The following PLA2G4F variants were observed in gnomAD, a reference collection of about 807,000 sequenced individuals.
PLA2G4F encodes the protein cytosolic phospholipase A2 zeta.
A neutral mutation model predicts 103.1 loss-of-function variants in PLA2G4F; 105 were observed. That is an observed-to-expected ratio of 1.02 (90% CI 0.87 to 1.20). The LOEUF is 1.20. PLA2G4F is among the 50% of genes most tolerant of loss of function. PLA2G4F has a pLI of 0.00. For synonymous variants in PLA2G4F, 468 were observed against 441.1 expected, an observed-to-expected ratio of 1.06 and a Z score of -0.76; for missense variants, 1,155 against 1,075.9, an observed-to-expected ratio of 1.07 and a Z score of -1.03.
intron 11 of PLA2G4F, among the ~76,000 whole-genome samples, chr15:42,148,069 G>A (rs1305116184): frequency 6.6e-6 from 1 of 152,018 alleles, no homozygotes; most frequent in Non-Finnish European, 1.5e-5. Context: ...TGTAGTCCCA[G>A]CTATCTGGAG....
At chr15:42,142,344 C>T (rs181081385) in intron 19 of PLA2G4F, 140 bp from the exon 20 acceptor site, 28 of 1,143,104 alleles carry the variant, frequency 2.4e-5, no homozygotes, top group East Asian at 1.3e-4. Flanking sequence ...AGCTCTCAGA[C>T]CCCCCAGGAG....
intron 4 of PLA2G4F, 115 bp from the exon 5 acceptor site, chr15:42,153,775 G>A (rs1359233292): frequency 1.7e-6 from 2 of 1,170,406 alleles, no homozygotes; most frequent in Admixed American, 4.2e-5. Context: ...CTGGCATTGT[G>A]GCTTGTCATG....
In PLA2G4F at chr15:42,147,350, G is replaced by T; in HGVS notation, c.1197-4C>A. 1 of 1,603,444 alleles carries T rather than the reference G, an allele frequency of 6.2e-7. No individual in the cohort carries two copies. Among genetic ancestry groups the T allele is most frequent in the South Asian group, 1.1e-5 (1 of 90,946 alleles). Reference sequence around the variant, plus strand: ...CCTGTAGAGTGTGGAGATGCACCTGGGGATTGGAGGTGTGCCTGAGTCAGG... The same window carrying T: ...CCTGTAGAGTGTGGAGATGCACCTGTGGATTGGAGGTGTGCCTGAGTCAGG... On this transcript the variant is annotated splice_region_variant and splice_polypyrimidine_tract_variant and intron_variant, in intron 12 of 19. Coordinates refer to ENST00000397272, the MANE Select transcript of PLA2G4F (RefSeq NM_213600.4).
chr15:42,144,711 A>G, intron 16 of PLA2G4F, 67 bp from the exon 17 acceptor site: 2 of 1,425,232 alleles, frequency 1.4e-6, no homozygotes, highest in Admixed American at 5.3e-5. Flanking sequence ...TGGTCCTTAT[A>G]GTTCAGGGGT....
intron 6 of PLA2G4F, 93 bp downstream of exon 6, chr15:42,153,207 T>A: frequency 7.2e-7 from 1 of 1,395,106 alleles, no homozygotes; most frequent in Non-Finnish European, 9.8e-7. Context: ...GGCTTGGGTG[T>A]CCTTCAGAGG....
At chr15:42,147,802 A>C (rs201719282) in intron 11 of PLA2G4F, 40 bp from the exon 12 acceptor site, 18 of 1,608,516 alleles carry the variant, frequency 1.1e-5, no homozygotes, top group Non-Finnish European at 1.0e-5. Context: ...TCCGACTACC[A>C]CCGTCATTGA....
intron 2 of PLA2G4F, 91 bp downstream of exon 2, chr15:42,155,426 A>G: frequency 2.2e-6 from 3 of 1,348,684 alleles, no homozygotes; most frequent in Non-Finnish European, 3.2e-6. Flanking sequence ...ATACTCTTAC[A>G]CACACACACT....
intron 5 of PLA2G4F, 82 bp from the exon 6 acceptor site, chr15:42,153,424 G>A (rs919745492): frequency 5.5e-5 from 85 of 1,547,870 alleles, no homozygotes; most frequent in Non-Finnish European, 6.6e-5. Flanking sequence ...CTGAAGCAGC[G>A]GGCAGAGCAT....
Position 42,142,072 on chromosome 15 carries a change from T to A in PLA2G4F, c.2462A>T (p.Tyr821Phe), listed in dbSNP as rs373689525. The A allele has an allele frequency of 1.9e-6, 3 of 1,614,190 alleles. No individual in the cohort carries two copies. Among genetic ancestry groups the A allele is most frequent in the Non-Finnish European group, 2.5e-6 (3 of 1,180,026 alleles). ...DFYRLVALSRYNVLNNVETLK... is the reference protein window; with the variant it reads ...DFYRLVALSRFNVLNNVETLK... ...GGTCTCCACGTTGTTCAGGACGTTG[T>A]ATCGACTGAGGGCCACCAGCCGATA... Residue 821 changes from tyrosine to phenylalanine, a missense_variant, in exon 20 of 20, where the codon TAC becomes TTC. Transcript: ENST00000397272.
In PLA2G4F at chr15:42,150,155, C is replaced by T. The variant is rs201978785; in HGVS notation, c.886-14G>A. ...CACCTCCTGGCCCTGAAAGACACAGCAGCCCCAACCCTGAGTTCTCTGGGC... is the reference window on the plus strand; with the variant it reads ...CACCTCCTGGCCCTGAAAGACACAGTAGCCCCAACCCTGAGTTCTCTGGGC... On this transcript the variant is annotated splice_polypyrimidine_tract_variant and intron_variant, in intron 9 of 19. Transcript: ENST00000397272. 2.2e-5 allele frequency: 35 copies of T among 1,614,172 alleles called. No homozygotes were observed. The East Asian group carries it at 7.6e-4, about 35-fold the overall frequency.
chr15:42,149,310 C>A (rs2048928008), intron 11 of PLA2G4F: 1 of 575,594 alleles, frequency 1.7e-6, no homozygotes, highest in African/African-American at 2.1e-5. Flanking sequence ...GGAGGAGACC[C>A]CAAGGCGCAC....
At chr15:42,142,307 C>T (rs654527) in intron 19 of PLA2G4F, 103 bp from the exon 20 acceptor site, 1 of 1,246,784 alleles carries the variant, frequency 8.0e-7, no homozygotes, top group Non-Finnish European at 1.1e-6. Flanking sequence ...GGCTGGCTCC[C>T]TGCGGGCCCT....
At chr15:42,156,140 G>C (rs909084195) in intron 1 of PLA2G4F, among the ~76,000 whole-genome samples, 1 of 151,962 alleles carries the variant, frequency 6.6e-6, no homozygotes, top group Non-Finnish European at 1.5e-5. Context: ...CTACTGGGAG[G>C]GAAACTCTCC....
chr15:42,142,725 G>A lies in PLA2G4F; in HGVS notation c.2143-11C>T, dbSNP rs2048838270. 3 of 1,613,668 alleles carry A rather than the reference G, an allele frequency of 1.9e-6. No homozygotes were observed. The highest frequency in any genetic ancestry group is 2.5e-6 in the Non-Finnish European group (3 of 1,179,928). On this transcript the variant is annotated splice_polypyrimidine_tract_variant and intron_variant, in intron 18 of 19. Transcript: ENST00000397272. ...TGTCATCTTCAAGACCTGAGCAGGA[G>A]CAAGCCTCTGACTCTGCCTTTCCTC...
In PLA2G4F at chr15:42,147,737, G is replaced by C. The variant is rs1282952706; in HGVS notation, c.1085C>G (p.Ser362Cys). Reference protein sequence around the residue: ...GQVPVVAVLGSGGGTRAMSSL... With the variant: ...GQVPVVAVLGCGGGTRAMSSL... ...AGACATGGCTCGGGTTCCACCCCCGGAACCCAACACAGCCACTACAGGCAC... is the reference window on the plus strand; with the variant it reads ...AGACATGGCTCGGGTTCCACCCCCGCAACCCAACACAGCCACTACAGGCAC... Residue 362 changes from serine to cysteine, a missense_variant, in exon 12 of 20, where the codon TCC becomes TGC. Transcript: ENST00000397272. 2 of 1,609,560 alleles carry C rather than the reference G, an allele frequency of 1.2e-6. No homozygotes were observed. The highest frequency in any genetic ancestry group is 2.2e-5 in the East Asian group (1 of 44,584).
chr15:42,141,109 C>G lies in PLA2G4F; in HGVS notation c.*875G>C, dbSNP rs1175608967. On this transcript the variant is annotated 3_prime_UTR_variant, in exon 20 of 20. Coordinates refer to ENST00000397272, the MANE Select transcript of PLA2G4F (RefSeq NM_213600.4). ...TGCACTGCCCATGCCTTGGAGTAAC[C>G]CACCTCCAGGAACTTGCACACCCTC... The G allele has an allele frequency of 2.5e-6, 1 of 401,372 alleles. No homozygotes were observed. Among genetic ancestry groups the G allele is most frequent in the Non-Finnish European group, 5.1e-6 (1 of 195,852 alleles). 24.9% of individuals were successfully genotyped at this position (401,372 alleles called of 1,614,324 possible). A position where few individuals can be genotyped will look rare whatever the true frequency, so the allele number is the denominator to read the frequency against.
chr15:42,147,609 G>A lies in PLA2G4F; in HGVS notation c.1196+17C>T, dbSNP rs375175211. 222 of 1,613,376 alleles carry A rather than the reference G, an allele frequency of 1.4e-4. No individual in the cohort carries two copies. The African/African-American group carries it at 2.8e-3, about 20-fold the overall frequency. On this transcript the variant is annotated intron_variant, in intron 12 of 19. Transcript: ENST00000397272. ...TGGGGTCTCCTTTACCCTGTGCCCT[G>A]CCCCCACCTCACTTACCAGGTAGAC...
chr15:42,154,622 T>C, intron 2 of PLA2G4F, 164 bp from the exon 3 acceptor site: 1 of 698,244 alleles, frequency 1.4e-6, no homozygotes, highest in Middle Eastern at 4.1e-4. Flanking sequence ...TGTCTTTCAC[T>C]CCATCTTGAT....
chr15:42,142,037 C>A lies in PLA2G4F; in HGVS notation c.2497G>T (p.Ala833Ser), dbSNP rs775787567. 1.9e-6 allele frequency: 3 copies of A among 1,614,166 alleles called. No homozygotes were observed. The highest frequency in any genetic ancestry group is 2.7e-5 in the African/African-American group (2 of 75,050). Residue 833 changes from alanine (A) to serine (S), a missense_variant, in exon 20 of 20, where the codon GCC becomes TCC. Transcript: ENST00000397272. ...TGCCGGTCCAGAGCCAGCTGGAGGG[C>A]GCACTTCAAGGTCTCCACGTTGTTC... ...VLNNVETLKC[A>S]LQLALDRHQA...
Sources: gnomAD v4.1 joint callset for allele counts (sites outside exome capture counted in the v4.1 genomes callset) on GRCh38, gnomAD v4.1.1 for gene constraint, MANE v1.5 for transcripts, NCBI Gene and HGNC (gene_info 2026-07-23, HGNC 2026-07-21) for gene names.